CCSAP: variants seen among roughly 807,000 people sequenced by gnomAD.
CCSAP encodes the protein centriole, cilia and spindle associated protein.
A neutral mutation model predicts 25.9 loss-of-function variants in CCSAP; 17 were observed. The ratio of observed to expected loss-of-function variants is 0.66; its 90% confidence interval spans 0.45 to 0.99. The LOEUF (loss-of-function observed/expected upper bound fraction) is 0.99, where lower values mean the gene tolerates loss of function less well. Among genes scored for constraint, CCSAP ranks in the 50% least tolerant of loss-of-function variants. The pLI is 0.00. For synonymous variants in CCSAP, 169 were observed against 157.1 expected (o/e 1.08, Z -0.57); for missense variants, 339 against 367.8 (o/e 0.92, Z 0.64).
chr1:229,326,690 C>A (rs1657947361), intron 3 of CCSAP, 48 bp downstream of exon 3: 1 of 1,602,096 alleles, frequency 6.2e-7, no homozygotes, highest in Admixed American at 1.7e-5. Flanking sequence ...CATGGCCCAG[C>A]TGGCCACTCT....
At chr1:229,341,991 G>T in intron 2 of CCSAP, 108 bp downstream of exon 2, 3 of 1,195,598 alleles carry the variant, frequency 2.5e-6, no homozygotes, top group South Asian at 8.4e-5. Context: ...AAAAAAAAAA[G>T]GAAGAGCCAG....
In CCSAP at chr1:229,324,464, C is replaced by T. The variant is rs1417309274; in HGVS notation, c.*771G>A. On this transcript the variant is annotated 3_prime_UTR_variant, in exon 4 of 4. Coordinates refer to ENST00000284617, the MANE Select transcript of CCSAP (RefSeq NM_145257.5). ...AAAAAAGGCAATAAAAAAAGTGAGT[C>T]TTTGACTACTCAAAAGAAACTTTAC... is the stretch of plus-strand genomic sequence containing the variant. 6.7e-6 allele frequency: 1 copy of T among 150,348 alleles called. No homozygotes were observed. Among genetic ancestry groups the T allele is most frequent in the African/African-American group, 2.4e-5 (1 of 40,866 alleles). 9.3% of individuals were successfully genotyped at this position (150,348 alleles called of 1,614,324 possible).
intron 2 of CCSAP, among the ~76,000 whole-genome samples, chr1:229,329,494 A>G (rs1365771298): frequency 6.6e-6 from 1 of 152,178 alleles, no homozygotes; most frequent in Non-Finnish European, 1.5e-5. Flanking sequence ...AAACTCAGGC[A>G]TTTTTATTTT....
Position 229,324,087 on chromosome 1 carries a change from A to G in CCSAP, c.*1148T>C, listed in dbSNP as rs1476934049. 6.6e-6 allele frequency: 1 copy of G among 152,626 alleles called. No homozygotes were observed. The highest frequency in any genetic ancestry group is 2.4e-5 in the African/African-American group (1 of 41,450). The allele number at this position is 152,626 out of a possible 1,614,324, so 9.5% of individuals were successfully genotyped here. ...TACATAAATTTGTGCCTACCCACAC[A>G]CCACCATTCTCTCCCATTAAAGTGT... On this transcript the variant is annotated 3_prime_UTR_variant, in exon 4 of 4. Coordinates refer to ENST00000284617, the MANE Select transcript of CCSAP (RefSeq NM_145257.5).
rs542292563 is a variant in CCSAP, at chr1:229,335,772, C to G, written c.367+6327G>C. Among the ~76,000 whole-genome samples, 3 of 152,272 alleles carry G rather than the reference C, an allele frequency of 2.0e-5. No homozygotes were observed. In the South Asian group the frequency reaches 6.2e-4, roughly 32 times the overall value. The stretch of plus-strand genomic sequence containing the variant: ...CCCTCCAGCCTGGAGCCTTCCAGTA[C>G]AGGCTGCAGACAAGGTATCTCACTG... On this transcript the variant is annotated intron_variant, in intron 2 of 3. Transcript: ENST00000284617.
At chr1:229,333,201 G>A (rs1216545679) in intron 2 of CCSAP, among the ~76,000 whole-genome samples, 1 of 152,124 alleles carries the variant, frequency 6.6e-6, no homozygotes, top group East Asian at 1.9e-4. Flanking sequence ...GGGAGGCCAA[G>A]GCGGGCAGAT....
intron 2 of CCSAP, among the ~76,000 whole-genome samples, chr1:229,332,237 T>C (rs78745299): frequency 0.018 from 2,694 of 152,274 alleles, 37 homozygotes; most frequent in Non-Finnish European, 0.024. Flanking sequence ...ACGGGGATAA[T>C]GGGAACCCCA....
chr1:229,326,723 G>A lies in CCSAP; in HGVS notation c.636+15C>T, dbSNP rs764450886. The A allele has an allele frequency of 4.3e-6, 7 of 1,612,598 alleles. No individual in the cohort carries two copies. The Admixed American group carries it at 1.0e-4, about 23-fold the overall frequency. On this transcript the variant is annotated intron_variant, in intron 3 of 3. Coordinates refer to ENST00000284617, the MANE Select transcript of CCSAP (RefSeq NM_145257.5). ...TCTCAAAGGGAACACAGAACCACAA[G>A]GGCCCAGAGCGCACCTCGTGCACAG... is the stretch of plus-strand genomic sequence containing the variant.
At chr1:229,327,267 G>T in intron 2 of CCSAP, 1 of 350,572 alleles carries the variant, frequency 2.9e-6, no homozygotes, top group Non-Finnish European at 5.3e-6. Flanking sequence ...CCGATTCTGA[G>T]ACTTAGCATC....
intron 2 of CCSAP, among the ~76,000 whole-genome samples, chr1:229,332,313 G>C (rs546690326): frequency 1.3e-5 from 2 of 152,310 alleles, no homozygotes; most frequent in East Asian, 1.9e-4. Context: ...GGAGGGGGCA[G>C]TCTGTGAGAC....
intron 2 of CCSAP, among the ~76,000 whole-genome samples, chr1:229,333,430 CG>C (rs1658127879): frequency 2.0e-5 from 1 of 50,268 alleles, no homozygotes; most frequent in South Asian, 7.0e-4. Flanking sequence ...GAGACTCCAT[CG>C]AAAAAAAAAA....
In CCSAP at chr1:229,321,369, T is replaced by A. The variant is rs1657820954; in HGVS notation, c.*3866A>T. On this transcript the variant is annotated 3_prime_UTR_variant, in exon 4 of 4. Coordinates refer to ENST00000284617, the MANE Select transcript of CCSAP (RefSeq NM_145257.5). ...ACTAGTAGGCTTGAAGGAGGCAAAT[T>A]TGGACCAAAAATCTAGACATAGCTC... The A allele has an allele frequency of 6.6e-6, 1 of 152,162 alleles. No individual in the cohort carries two copies. The highest frequency in any genetic ancestry group is 1.5e-5 in the Non-Finnish European group (1 of 68,014). 9.4% of individuals were successfully genotyped at this position (152,162 alleles called of 1,614,324 possible).
Position 229,342,518 on chromosome 1 carries a change from G to A in CCSAP, c.-48-5C>T. 1 of 1,237,526 alleles carries A rather than the reference G, an allele frequency of 8.1e-7. No homozygotes were observed. Among genetic ancestry groups the A allele is most frequent in the Non-Finnish European group, 1.0e-6 (1 of 967,318 alleles). The allele number at this position is 1,237,526 out of a possible 1,614,324, so 76.7% of individuals were successfully genotyped here. On this transcript the variant is annotated splice_region_variant and splice_polypyrimidine_tract_variant and intron_variant, in intron 1 of 3. Coordinates refer to ENST00000284617, the MANE Select transcript of CCSAP (RefSeq NM_145257.5). The surrounding 1 kb of genome is among the most constrained non-coding windows in gnomAD (Gnocchi z 7.5). ...CCGCTCCTCGCTGCCCGCAGCCTAC[G>A]GGACCCGGTACACGACACAGAGGCC...
At position 229,325,339 on chromosome 1, in the gene CCSAP, G is replaced by A. The variant is rs576943262; in HGVS notation, c.709C>T (p.Arg237Ter). 4 of 1,614,116 alleles carry A rather than the reference G, an allele frequency of 2.5e-6. No individual in the cohort carries two copies. The highest frequency in any genetic ancestry group is 1.7e-5 in the Admixed American group (1 of 60,002). The change falls in exon 4 of 4, where the codon CGA (arginine) becomes TGA (stop). Residue 237 changes from arginine to a stop codon, truncating the protein, a stop_gained. Transcript: ENST00000284617. LOFTEE classifies it low-confidence loss of function (END_TRUNC). ...TTCTCCACATCCACAGAGTGAGCTC[G>A]CTGCCTTTGAGCAACCAGTTTCCTT... is the stretch of plus-strand genomic sequence containing the variant. ...EKRKLVAQRQ[R>*]AHSVDVEKNR...
chr1:229,336,392 G>C (rs932510848), intron 2 of CCSAP, among the ~76,000 whole-genome samples: 8 of 151,890 alleles, frequency 5.3e-5, no homozygotes, highest in African/African-American at 1.5e-4. Context: ...CCTGAAAACA[G>C]AATTAGGTGA....
At chr1:229,327,867 CAAAAAAAAAAAA>C (rs765651478) in intron 2 of CCSAP, among the ~76,000 whole-genome samples, 1 of 91,792 alleles carries the variant, frequency 1.1e-5, no homozygotes, top group Non-Finnish European at 2.3e-5. Context: ...GACTCCGTCT[CAAAAAAAAAAAA>C]AAAAAAAAGA....
intron 2 of CCSAP, among the ~76,000 whole-genome samples, chr1:229,328,507 A>G (rs1033514974): frequency 6.6e-6 from 1 of 152,000 alleles, no homozygotes; most frequent in Non-Finnish European, 1.5e-5. Flanking sequence ...GGTTCTTGCT[A>G]TGTTGATCAG....
At position 229,325,344 on chromosome 1, in the gene CCSAP, C is replaced by T; in HGVS notation, c.704G>A (p.Arg235Lys). Residue 235 changes from arginine (R) to lysine (K), a missense_variant, in exon 4 of 4, where the codon AGG becomes AAG. Transcript: ENST00000284617. Reference protein sequence around the residue: ...QVEKRKLVAQRQRAHSVDVEK... With the variant: ...QVEKRKLVAQKQRAHSVDVEK... ...CACATCCACAGAGTGAGCTCGCTGC[C>T]TTTGAGCAACCAGTTTCCTTTTTTC... The T allele has an allele frequency of 6.2e-7, 1 of 1,614,212 alleles. No individual in the cohort carries two copies. Among genetic ancestry groups the T allele is most frequent in the Non-Finnish European group, 8.5e-7 (1 of 1,180,038 alleles).
chr1:229,325,124 A>G lies in CCSAP; in HGVS notation c.*111T>C. The G allele has an allele frequency of 1.8e-6, 2 of 1,094,824 alleles. No homozygotes were observed. The highest frequency in any genetic ancestry group is 2.6e-6 in the Non-Finnish European group (2 of 773,132). The allele number at this position is 1,094,824 out of a possible 1,614,324, so 67.8% of individuals were successfully genotyped here. ...ACAAATTCCCTAAAAAAAACCTTGCATAATCAGTTGGTTTCTTAAACCTGT... is the reference window on the plus strand; with the variant it reads ...ACAAATTCCCTAAAAAAAACCTTGCGTAATCAGTTGGTTTCTTAAACCTGT... On this transcript the variant is annotated 3_prime_UTR_variant, in exon 4 of 4. Coordinates refer to ENST00000284617, the MANE Select transcript of CCSAP (RefSeq NM_145257.5).
Sources: gnomAD v4.1 joint callset for allele counts (sites outside exome capture counted in the v4.1 genomes callset) on GRCh38, gnomAD v4.1.1 for gene constraint, Gnocchi (gnomAD v3.1) non-coding constraint, MANE v1.5 for transcripts, NCBI Gene and HGNC (gene_info 2026-07-23, HGNC 2026-07-21) for gene names.